The following MYO10 variants were observed in gnomAD, a reference collection of about 807,000 sequenced individuals.
MYO10 encodes the protein unconventional myosin-X.
Under a neutral mutation model 257.3 loss-of-function variants are expected in MYO10, and 133 were observed. The ratio of observed to expected loss-of-function variants is 0.52; its 90% CI spans 0.45 to 0.60. The LOEUF (loss-of-function observed/expected upper bound fraction) is 0.60, where lower values mean the gene tolerates loss of function less well. MYO10 is among the 20% of genes least tolerant of loss of function. The pLI is 0.00. For missense variants in MYO10, 2,399 were observed against 2,635.7 expected (o/e 0.91, Z 1.97); for synonymous variants, 1,104 against 1,028.6 (o/e 1.07, Z -1.40).
At chr5:16,893,358 G>T (rs1212344990) in intron 1 of MYO10, among the ~76,000 whole-genome samples, 2 of 151,958 alleles carry the variant, frequency 1.3e-5, no homozygotes, top group East Asian at 3.9e-4. Flanking sequence ...CTCCTGCTGG[G>T]CACCATGGCT....
At chr5:16,855,258 T>C (rs754718367) in intron 2 of MYO10, among the ~76,000 whole-genome samples, 12 of 152,168 alleles carry the variant, frequency 7.9e-5, no homozygotes, top group Non-Finnish European at 1.3e-4. Flanking sequence ...GCAGGAATTA[T>C]TTTTTCTCTA....
intron 2 of MYO10, among the ~76,000 whole-genome samples, chr5:16,818,794 C>T (rs1398305934): frequency 6.6e-6 from 1 of 151,984 alleles, no homozygotes; most frequent in African/African-American, 2.4e-5. Context: ...ATTAGATGTT[C>T]CTAAAAGATA....
At chr5:16,925,949 T>G (rs1264857478) in intron 1 of MYO10, among the ~76,000 whole-genome samples, 2 of 152,208 alleles carry the variant, frequency 1.3e-5, no homozygotes, top group Non-Finnish European at 2.9e-5. Context: ...AAACAGCATT[T>G]TCTTTGAGTG....
chr5:16,763,076 C>T (rs1740767516), intron 14 of MYO10, among the ~76,000 whole-genome samples: 1 of 151,822 alleles, frequency 6.6e-6, no homozygotes, highest in South Asian at 2.1e-4. Flanking sequence ...GGTAATTTCT[C>T]GATTGGAAAA....
At chr5:16,849,507 A>G (rs1234744677) in intron 2 of MYO10, among the ~76,000 whole-genome samples, 2 of 152,216 alleles carry the variant, frequency 1.3e-5, no homozygotes, top group Admixed American at 1.3e-4. Flanking sequence ...TTTGTGGTTC[A>G]GAGAGCAAAT....
chr5:16,757,301 A>AAC (rs71595978), intron 18 of MYO10, among the ~76,000 whole-genome samples: 9,414 of 84,252 alleles, frequency 0.11, 571 homozygotes, highest in African/African-American at 0.18. Context: ...CACACACACA[A>AAC]ACACACACAC....
At chr5:16,881,150 T>C (rs1204235636) in intron 1 of MYO10, among the ~76,000 whole-genome samples, 3 of 152,228 alleles carry the variant, frequency 2.0e-5, no homozygotes, top group Non-Finnish European at 4.4e-5. Context: ...ATCACTAGCA[T>C]TGTTTTCATT....
At chr5:16,910,052 T>C (rs988159960) in intron 1 of MYO10, among the ~76,000 whole-genome samples, 9 of 152,112 alleles carry the variant, frequency 5.9e-5, no homozygotes, top group Admixed American at 1.3e-4. Context: ...AAACTTCTTT[T>C]TCTTATAAAT....
intron 10 of MYO10, 115 bp from the exon 11 acceptor site, chr5:16,766,313 T>C: frequency 2.8e-6 from 2 of 722,252 alleles, no homozygotes; most frequent in East Asian, 2.7e-5. Flanking sequence ...GTTTAGAGAT[T>C]GCATGTTATT....
chr5:16,700,825 T>A, intron 25 of MYO10, 138 bp downstream of exon 25: 2 of 1,120,398 alleles, frequency 1.8e-6, no homozygotes, highest in Non-Finnish European at 2.5e-6. Context: ...AGCAAAAGGT[T>A]TAAGATGATC....
chr5:16,906,378 A>C (rs1745519980), intron 1 of MYO10, among the ~76,000 whole-genome samples: 1 of 152,334 alleles, frequency 6.6e-6, no homozygotes, highest in Admixed American at 6.5e-5. Flanking sequence ...GACGGTAGGA[A>C]GTTTAGCACC....
At chr5:16,899,587 A>G (rs1416260776) in intron 1 of MYO10, among the ~76,000 whole-genome samples, 1 of 150,530 alleles carries the variant, frequency 6.6e-6, no homozygotes, top group Admixed American at 6.7e-5. Context: ...AGCCGAGATC[A>G]TGCCACAGCA....
At chr5:16,837,215 CAGG>C (rs1743340463) in intron 2 of MYO10, among the ~76,000 whole-genome samples, 1 of 152,106 alleles carries the variant, frequency 6.6e-6, no homozygotes, top group Admixed American at 6.6e-5. Context: ...GAGGCTGAAG[CAGG>C]AGAATTGCTG....
At chr5:16,747,360 G>GGA (rs61687980) in intron 19 of MYO10, among the ~76,000 whole-genome samples, 15,726 of 152,080 alleles carry the variant, frequency 0.1, 2,743 homozygotes, top group African/African-American at 0.36. Flanking sequence ...TATGGCAATA[G>GGA]TTACGTTTTT....
At chr5:16,839,948 G>A (rs1445462027) in intron 2 of MYO10, among the ~76,000 whole-genome samples, 1 of 152,124 alleles carries the variant, frequency 6.6e-6, no homozygotes, top group Admixed American at 6.5e-5. Flanking sequence ...ATTGTAAGTC[G>A]AGGGGCGTCT....
chr5:16,829,120 G>T (rs756702772), intron 2 of MYO10, among the ~76,000 whole-genome samples: 21 of 152,158 alleles, frequency 1.4e-4, no homozygotes, highest in Non-Finnish European at 2.9e-4. Context: ...CAATAGAGAT[G>T]ATCCATGTGG....
Position 16,818,175 on chromosome 5 carries a change from A to G in MYO10, c.121-8T>C. ...CTGCTTGTAAGTGAATACCTGAGGG[A>G]GGGAGAGGAATTCAATTATTTCATT... On this transcript the variant is annotated splice_polypyrimidine_tract_variant and splice_region_variant and intron_variant, in intron 2 of 40. Coordinates refer to ENST00000513610, the MANE Select transcript of MYO10 (RefSeq NM_012334.3). 2 of 1,517,642 alleles carry G rather than the reference A, an allele frequency of 1.3e-6. No individual in the cohort carries two copies. The highest frequency in any genetic ancestry group is 1.8e-6 in the Non-Finnish European group (2 of 1,122,654). 94.0% of individuals were successfully genotyped at this position (1,517,642 alleles called of 1,614,324 possible). A position where few individuals can be genotyped will look rare whatever the true frequency, so the allele number is the denominator to read the frequency against.
chr5:16,669,451 G>A (rs543862632), intron 39 of MYO10, among the ~76,000 whole-genome samples: 124 of 152,160 alleles, frequency 8.1e-4, no homozygotes, highest in African/African-American at 2.7e-3. Context: ...TGATCCGCCC[G>A]CCTTGGCCTC....
intron 5 of MYO10, 82 bp downstream of exon 5, chr5:16,783,253 C>T: frequency 7.3e-7 from 1 of 1,367,072 alleles, no homozygotes; most frequent in Non-Finnish European, 9.8e-7. Context: ...ACGCGACCAA[C>T]TAATTTTAAC....
Sources: gnomAD v4.1 joint callset for allele counts (sites outside exome capture counted in the v4.1 genomes callset) on GRCh38, gnomAD v4.1.1 for gene constraint, MANE v1.5 for transcripts, NCBI Gene and HGNC (gene_info 2026-07-23, HGNC 2026-07-21) for gene names.